DMD: variants seen among roughly 807,000 people sequenced by gnomAD.
DMD encodes mutant dystrophin.
DMD carries 63 observed loss-of-function variants against 330.1 expected under a neutral mutation model. That is an observed-to-expected ratio of 0.19 (90% confidence interval 0.16 to 0.24). DMD has a LOEUF of 0.24. DMD is among the 10% of genes least tolerant of loss of function. The pLI, the probability that DMD is intolerant of heterozygous loss-of-function variation, is 1.00. For missense variants in DMD, 3,344 were observed against 2,684.1 expected, an observed-to-expected ratio of 1.25 and a Z score of -5.43; for synonymous variants, 1,223 against 959.8, an observed-to-expected ratio of 1.27 and a Z score of -5.07.
rs146884145 is a variant in DMD, at chrX:31,255,769, CTTT to C, written c.9286+5183_9286+5185del. Reference sequence around the variant, plus strand: ...CTTAGACACTTGTCCAATATCGTTACTTTTTTTTTTTTTTTTTTTTTTTGAGAT... The same window carrying C: ...CTTAGACACTTGTCCAATATCGTTACTTTTTTTTTTTTTTTTTTTTGAGAT... On this transcript the variant is annotated intron_variant, in intron 63 of 78. Coordinates refer to ENST00000357033, the MANE Select transcript of DMD (RefSeq NM_004006.3). Among the ~76,000 whole-genome samples the C allele has an allele frequency of 8.8e-3, 446 of 50,839 alleles. 6 individuals carry two copies. The highest frequency in any genetic ancestry group is 0.041 in the African/African-American group (408 of 9,943). 44.1% of individuals were successfully genotyped at this position (50,839 alleles called of 115,157 possible). A position where few individuals can be genotyped will look rare whatever the true frequency, so the allele number is the denominator to read the frequency against.
chrX:31,234,578 C>A (rs894017664), intron 63 of DMD, among the ~76,000 whole-genome samples: 1 of 111,840 alleles, frequency 8.9e-6, no homozygotes, highest in Admixed American at 9.5e-5. Context: ...CTATTATATG[C>A]CTAACTGTGT....
At position 32,807,144 on chromosome X, in the gene DMD, A is replaced by C. The variant is rs763265798; in HGVS notation, c.649+2349T>G. Reference sequence around the variant, plus strand: ...ATTTAAAAAAAAAAAAAAAAAAAAAAAAAAACATCAACAAATCCAGGAGGT... The same window carrying C: ...ATTTAAAAAAAAAAAAAAAAAAAAACAAAAACATCAACAAATCCAGGAGGT... On this transcript the variant is annotated intron_variant, in intron 7 of 78. Coordinates refer to ENST00000357033, the MANE Select transcript of DMD (RefSeq NM_004006.3). Among the ~76,000 whole-genome samples the C allele has an allele frequency of 7.5e-3, 783 of 103,756 alleles. 4 individuals are homozygous for C. Among genetic ancestry groups the C allele is most frequent in the Non-Finnish European group, 0.012 (596 of 50,979 alleles). 90.1% of individuals were successfully genotyped at this position (103,756 alleles called of 115,157 possible).
intron 43 of DMD, among the ~76,000 whole-genome samples, chrX:32,240,130 G>A (rs984867216): frequency 1.8e-5 from 2 of 111,727 alleles, no homozygotes; most frequent in African/African-American, 6.5e-5. Flanking sequence ...AATTCCTTGT[G>A]CGTATGTAGG....
rs368158779 is a variant in DMD, at chrX:31,154,281, G to GT, written c.10554-6764dup. On this transcript the variant is annotated intron_variant, in intron 74 of 78. Transcript: ENST00000357033. ...CTGTTCCAAGGTAAGTTATTCTAAT[G>GT]TTTTTTTTTTATTTTTTTATTTTTT... Among the ~76,000 whole-genome samples the GT allele has an allele frequency of 4.8e-3, 480 of 99,397 alleles. 2 individuals are homozygous for GT. Among genetic ancestry groups the GT allele is most frequent in the African/African-American group, 0.017 (426 of 25,003 alleles). The allele number at this position is 99,397 out of a possible 115,157, so 86.3% of individuals were successfully genotyped here.
intron 45 of DMD, among the ~76,000 whole-genome samples, chrX:31,948,274 G>A (rs759541789): frequency 2.7e-5 from 3 of 111,877 alleles, no homozygotes; most frequent in Non-Finnish European, 5.6e-5. Flanking sequence ...ATTCTTCCAT[G>A]CACAGCTATG....
Position 32,828,617 on chromosome X carries a change from C to CTA in DMD, c.265-5232_265-5231dup, listed in dbSNP as rs770771482. 3.2e-3 allele frequency among the ~76,000 whole-genome samples: 351 copies of CTA among 108,354 alleles called. 2 individuals carry two copies. The highest frequency in any genetic ancestry group is 0.011 in the African/African-American group (329 of 28,896). 94.1% of individuals were successfully genotyped at this position (108,354 alleles called of 115,157 possible). On this transcript the variant is annotated intron_variant, in intron 4 of 78. Transcript: ENST00000357033. The stretch of plus-strand genomic sequence containing the variant: ...TACACATATATACATATGTATACAT[C>CTA]TATACACATATATACATATGTATAC...
At chrX:32,196,776 G>A (rs2097003092) in intron 44 of DMD, among the ~76,000 whole-genome samples, 1 of 109,925 alleles carries the variant, frequency 9.1e-6, no homozygotes, top group Non-Finnish European at 1.9e-5. Context: ...ACGAGGTCAG[G>A]AGATCGAGAC....
At chrX:33,197,411 A>G (rs1450248785) in intron 1 of DMD, among the ~76,000 whole-genome samples, 1 of 111,543 alleles carries the variant, frequency 9.0e-6, no homozygotes, top group African/African-American at 3.3e-5. Flanking sequence ...GGGCTTTACC[A>G]GATAGACAAG....
intron 2 of DMD, among the ~76,000 whole-genome samples, chrX:32,900,104 T>C (rs1190611654): frequency 8.9e-6 from 1 of 112,304 alleles, no homozygotes; most frequent in African/African-American, 3.2e-5. Flanking sequence ...TATACAAAGG[T>C]CTTATTTCCT....
chrX:33,328,773 A>T (rs929625437), intron 1 of DMD, among the ~76,000 whole-genome samples: 1 of 111,403 alleles, frequency 9.0e-6, no homozygotes, highest in Non-Finnish European at 1.9e-5. Flanking sequence ...ACTGGAAGAA[A>T]CTTAAAAGAA....
chrX:32,882,327 CTCTT>C (rs1373002368), intron 2 of DMD, among the ~76,000 whole-genome samples: 1 of 111,928 alleles, frequency 8.9e-6, no homozygotes, highest in Non-Finnish European at 1.9e-5. Context: ...GCTACCTCTT[CTCTT>C]TGTCAATTTT....
At chrX:32,766,702 G>A (rs751969138) in intron 7 of DMD, among the ~76,000 whole-genome samples, 1 of 111,091 alleles carries the variant, frequency 9.0e-6, no homozygotes, top group African/African-American at 3.3e-5. Context: ...AATTTGAAAT[G>A]CATTGCACAG....
At chrX:31,850,332 T>TA (rs780034335) in intron 48 of DMD, among the ~76,000 whole-genome samples, 14 of 112,537 alleles carry the variant, frequency 1.2e-4, no homozygotes, top group Non-Finnish European at 2.4e-4. Flanking sequence ...GTTGAAATAC[T>TA]AAAAAATGCA....
chrX:32,542,329 A>C (rs184400278), intron 17 of DMD, among the ~76,000 whole-genome samples: 31 of 111,795 alleles, frequency 2.8e-4, no homozygotes, highest in African/African-American at 9.8e-4. Flanking sequence ...GCTACTCGGG[A>C]GGTTGAGGCA....
intron 1 of DMD, among the ~76,000 whole-genome samples, chrX:33,096,121 C>T (rs1021569261): frequency 1.3e-4 from 14 of 108,704 alleles, no homozygotes; most frequent in African/African-American, 4.4e-4. Flanking sequence ...TCTACAGGCG[C>T]CTGCCACCAC....
intron 44 of DMD, among the ~76,000 whole-genome samples, chrX:32,176,741 C>T (rs145542690): frequency 9.0e-6 from 1 of 110,751 alleles, no homozygotes; most frequent in African/African-American, 3.3e-5. Flanking sequence ...AGCTGTATAA[C>T]GTGCTTAGAG....
At chrX:33,154,279 C>A (rs889544711) in intron 1 of DMD, among the ~76,000 whole-genome samples, 1 of 110,768 alleles carries the variant, frequency 9.0e-6, no homozygotes, top group Non-Finnish European at 1.9e-5. Flanking sequence ...CGCCTGTAAT[C>A]CCAGCTACTT....
chrX:32,093,889 T>C (rs2096490459), intron 44 of DMD, among the ~76,000 whole-genome samples: 1 of 110,631 alleles, frequency 9.0e-6, no homozygotes, highest in African/African-American at 3.3e-5. Context: ...ACAAGAAAAA[T>C]TAGTTTAAAA....
At chrX:33,123,742 TC>T (rs1340326177) in intron 1 of DMD, among the ~76,000 whole-genome samples, 3 of 108,997 alleles carry the variant, frequency 2.8e-5, no homozygotes, top group South Asian at 3.9e-4. Flanking sequence ...TTTTTTTTTT[TC>T]AGTCCAATAT....
Sources: gnomAD v4.1 joint callset for allele counts (sites outside exome capture counted in the v4.1 genomes callset) on GRCh38, gnomAD v4.1.1 for gene constraint, MANE v1.5 for transcripts, NCBI Gene and HGNC (gene_info 2026-07-23, HGNC 2026-07-21) for gene names.